The following TSHZ3 variants were observed in gnomAD, a reference collection of about 807,000 sequenced individuals.
TSHZ3 encodes teashirt homolog 3.
A neutral mutation model predicts 64.5 loss-of-function variants in TSHZ3; 10 were observed. The observed-to-expected ratio is 0.16, with a 90% CI of 0.10 to 0.26. The LOEUF is 0.26. TSHZ3 is among the 10% of genes least tolerant of loss of function. TSHZ3 has a pLI of 1.00. For missense variants in TSHZ3, 1,242 were observed against 1,421.7 expected (o/e 0.87, Z 2.03); for synonymous variants, 608 against 593.1 (o/e 1.03, Z -0.36).
rs78615055 is a variant in TSHZ3 at position 31,200,474 on chromosome 19, C to T, written n.809+4482G>A. ...ATATCATTAAGTAAAATAAGCCAAT[C>T]TGATAAGGCTACCTACTGTGTAATT... is the stretch of plus-strand genomic sequence containing the variant. On this transcript the variant is annotated intron_variant and non_coding_transcript_variant, in intron 5 of 6. Transcript: ENST00000651361. 2.4e-3 allele frequency among the ~76,000 whole-genome samples: 360 copies of T among 147,370 alleles called. 10 individuals are homozygous for T. The East Asian group carries it at 0.065, about 27-fold the overall frequency.
chr19:31,229,058 T>C (rs1005944905), intron 3 of TSHZ3, among the ~76,000 whole-genome samples: 1 of 152,076 alleles, frequency 6.6e-6, no homozygotes, highest in Non-Finnish European at 1.5e-5. Flanking sequence ...TAGAAGAAGA[T>C]ATGAGAAGGG....
At chr19:31,310,671 C>T (rs1916433109) in intron 1 of TSHZ3, among the ~76,000 whole-genome samples, 1 of 152,164 alleles carries the variant, frequency 6.6e-6, no homozygotes, top group African/African-American at 2.4e-5. Context: ...ACCTCACAGG[C>T]CTAGGTCCAT....
intron 1 of TSHZ3, among the ~76,000 whole-genome samples, chr19:31,339,794 A>AG (rs1917370557): frequency 7.2e-6 from 1 of 139,664 alleles, no homozygotes; most frequent in Non-Finnish European, 1.5e-5. Context: ...CATGGCAAAA[A>AG]GGAAAAAAAA....
chr19:31,286,703 G>A (rs969114987), intron 1 of TSHZ3, among the ~76,000 whole-genome samples: 2 of 152,140 alleles, frequency 1.3e-5, no homozygotes, highest in African/African-American at 4.8e-5. Flanking sequence ...GGGAGGGAGC[G>A]CCCTGTCCCC....
chr19:31,195,297 T>C (rs530053989), intron 5 of TSHZ3, among the ~76,000 whole-genome samples: 1 of 151,892 alleles, frequency 6.6e-6, no homozygotes, highest in Non-Finnish European at 1.5e-5. Flanking sequence ...GGCATATAAT[T>C]CAAAATACAG....
At chr19:31,309,304 G>A (rs973073785) in intron 1 of TSHZ3, among the ~76,000 whole-genome samples, 5 of 152,216 alleles carry the variant, frequency 3.3e-5, no homozygotes, top group Non-Finnish European at 7.3e-5. Flanking sequence ...GGATGAAAGA[G>A]AGAGAGGGAG....
chr19:31,254,056 A>G (rs1256777863), intron 1 of TSHZ3, among the ~76,000 whole-genome samples: 2 of 152,068 alleles, frequency 1.3e-5, no homozygotes, highest in East Asian at 3.9e-4. Flanking sequence ...CGGCTCACAG[A>G]CAACCTCCCA....
intron 5 of TSHZ3, among the ~76,000 whole-genome samples, chr19:31,194,577 T>G (rs1974958222): frequency 6.6e-6 from 1 of 152,118 alleles, no homozygotes; most frequent in Non-Finnish European, 1.5e-5. Context: ...CAATCACAGG[T>G]CTAGAGAATG....
downstream of TSHZ3, among the ~76,000 whole-genome samples, chr19:31,273,730 G>A (rs181019027): frequency 1.5e-3 from 227 of 152,316 alleles, no homozygotes; most frequent in African/African-American, 5.3e-3. Flanking sequence ...TGGTCCTGGA[G>A]GGAAACATAT....
At chr19:31,300,416 T>C (rs552526337) in intron 1 of TSHZ3, among the ~76,000 whole-genome samples, 3 of 152,318 alleles carry the variant, frequency 2.0e-5, no homozygotes, top group East Asian at 3.9e-4. Flanking sequence ...TTTGGGGCAG[T>C]TGGATATGAT....
At chr19:31,223,937 C>CA (rs1284554518) in intron 4 of TSHZ3, among the ~76,000 whole-genome samples, 1 of 152,168 alleles carries the variant, frequency 6.6e-6, no homozygotes, top group Non-Finnish European at 1.5e-5. Context: ...GGTGTTTACT[C>CA]AGAGGAGGCT....
intron 5 of TSHZ3, among the ~76,000 whole-genome samples, chr19:31,187,631 G>C (rs1974833302): frequency 1.3e-5 from 2 of 151,728 alleles, no homozygotes; most frequent in Admixed American, 1.3e-4. Context: ...TGTTAGGTAG[G>C]GTTTAGTTTT....
chr19:31,315,203 C>A (rs1916567742), intron 1 of TSHZ3, among the ~76,000 whole-genome samples: 1 of 152,242 alleles, frequency 6.6e-6, no homozygotes, highest in South Asian at 2.1e-4. Flanking sequence ...ATCCAACTTT[C>A]CTTTCATGAT....
chr19:31,328,744 G>C (rs1916994582), intron 1 of TSHZ3, among the ~76,000 whole-genome samples: 1 of 152,134 alleles, frequency 6.6e-6, no homozygotes, highest in African/African-American at 2.4e-5. Flanking sequence ...ACTCCAAACA[G>C]ATTATATTTT....
At chr19:31,231,387 C>G (rs958316330) in intron 3 of TSHZ3, among the ~76,000 whole-genome samples, 6 of 152,140 alleles carry the variant, frequency 3.9e-5, no homozygotes, top group Non-Finnish European at 8.8e-5. Flanking sequence ...GAGCATTTTT[C>G]CAAACCCACA....
intron 1 of TSHZ3, among the ~76,000 whole-genome samples, chr19:31,263,693 C>T (rs138403465): frequency 2.6e-5 from 4 of 152,014 alleles, no homozygotes. Context: ...TCCTGTGGGT[C>T]CCCCCCACTC....
intron 1 of TSHZ3, among the ~76,000 whole-genome samples, chr19:31,283,501 C>T (rs1198484585): frequency 2.0e-5 from 3 of 152,216 alleles, no homozygotes; most frequent in Non-Finnish European, 4.4e-5. Flanking sequence ...GAAAGGCACT[C>T]CACAAATACG....
chr19:31,307,387 G>A (rs532527213), intron 1 of TSHZ3, among the ~76,000 whole-genome samples: 18 of 152,090 alleles, frequency 1.2e-4, no homozygotes, highest in Non-Finnish European at 2.1e-4. Flanking sequence ...CTGGGGAGAC[G>A]GGAAGATGGA....
At chr19:31,195,152 G>T (rs1387181437) in intron 5 of TSHZ3, among the ~76,000 whole-genome samples, 1 of 152,024 alleles carries the variant, frequency 6.6e-6, no homozygotes, top group Non-Finnish European at 1.5e-5. Context: ...AGAGAAAAGA[G>T]GAGAAAGGTA....
Sources: gnomAD v4.1 joint callset for allele counts (sites outside exome capture counted in the v4.1 genomes callset) on GRCh38, gnomAD v4.1.1 for gene constraint, MANE v1.5 for transcripts, NCBI Gene and HGNC (gene_info 2026-07-23, HGNC 2026-07-21) for gene names.